Variants in PRKCB observed in about 807,000 individuals in gnomAD.
PRKCB encodes protein kinase C beta, also known as protein kinase C beta type.
Under a neutral mutation model 81.5 loss-of-function variants are expected in PRKCB, and 13 were observed. The ratio of observed to expected loss-of-function variants is 0.16; its 90% CI spans 0.10 to 0.25. PRKCB has a LOEUF of 0.25. PRKCB is among the 10% of genes least tolerant of loss of function. PRKCB has a pLI of 1.00. For synonymous variants in PRKCB, 335 were observed against 321.4 expected (o/e 1.04, Z -0.45); for missense variants, 509 against 875.7 (o/e 0.58, Z 5.29).
intron 5 of PRKCB, among the ~76,000 whole-genome samples, chr16:24,046,467 G>A (rs1035701143): frequency 2.0e-5 from 3 of 152,196 alleles, no homozygotes; most frequent in African/African-American, 2.4e-5. Flanking sequence ...AAAATAAAGC[G>A]GCATGATGTG....
At chr16:23,971,216 C>A (rs905932217) in intron 2 of PRKCB, among the ~76,000 whole-genome samples, 1 of 152,208 alleles carries the variant, frequency 6.6e-6, no homozygotes, top group Non-Finnish European at 1.5e-5. Context: ...CAGCTCTAAT[C>A]AAAACTGACC....
intron 2 of PRKCB, among the ~76,000 whole-genome samples, chr16:23,882,025 C>CTTTCTTTCTCTTTCTTT (rs1597226197): frequency 1.6e-4 from 3 of 18,320 alleles, no homozygotes; most frequent in Admixed American, 7.9e-4. Flanking sequence ...TTTCTTTCTT[C>CTTTCTTTCTCTTTCTTT]CTTCCTTCCT....
intron 16 of PRKCB, among the ~76,000 whole-genome samples, chr16:24,208,678 T>C (rs1357059508): frequency 1.3e-5 from 2 of 151,494 alleles, no homozygotes; most frequent in Non-Finnish European, 2.9e-5. Flanking sequence ...GCAGGTGCAA[T>C]CCATGGTGCG....
intron 2 of PRKCB, among the ~76,000 whole-genome samples, chr16:23,900,718 GTTTTTTTTTTTTTTTTTTTT>G (rs56897816): frequency 3.2e-5 from 2 of 62,232 alleles, no homozygotes; most frequent in South Asian, 1.8e-3. Flanking sequence ...AGCTGCACAG[GTTTTTTTTTTTTTTTTTTTT>G]TTTTTTTTTT....
At chr16:24,096,319 C>T (rs900823391) in intron 7 of PRKCB, among the ~76,000 whole-genome samples, 5 of 152,072 alleles carry the variant, frequency 3.3e-5, no homozygotes, top group African/African-American at 4.8e-5. Flanking sequence ...TAACTTGGCC[C>T]GAGCCCAGGA....
intron 2 of PRKCB, among the ~76,000 whole-genome samples, chr16:23,905,146 G>A (rs1226044464): frequency 1.3e-5 from 2 of 151,102 alleles, no homozygotes; most frequent in Non-Finnish European, 2.9e-5. Context: ...AGAAGCAGCC[G>A]GCCCTGGAAT....
Position 23,885,332 on chromosome 16 carries a change from G to A in PRKCB, c.205+47926G>A, listed in dbSNP as rs975483164. On this transcript the variant is annotated intron_variant, in intron 2 of 16. Coordinates refer to ENST00000643927, the MANE Select transcript of PRKCB (RefSeq NM_002738.7). ...TTCTTTTTCTTTTCTTTTTTGAGAC[G>A]GAGTCTTGCTCTGTCACCCAGGCTG... Among the ~76,000 whole-genome samples the A allele has an allele frequency of 8.6e-5, 13 of 151,654 alleles. 1 individual carries two copies. Among genetic ancestry groups the A allele is most frequent in the South Asian group, 2.1e-4 (1 of 4,804 alleles).
At chr16:24,065,079 C>A (rs1966015610) in intron 5 of PRKCB, among the ~76,000 whole-genome samples, 1 of 148,192 alleles carries the variant, frequency 6.7e-6, no homozygotes, top group South Asian at 2.1e-4. Flanking sequence ...ATATTTTTCC[C>A]CCTTTTCCCT....
At chr16:23,917,827 T>A (rs1400340780) in intron 2 of PRKCB, among the ~76,000 whole-genome samples, 1 of 152,234 alleles carries the variant, frequency 6.6e-6, no homozygotes, top group Non-Finnish European at 1.5e-5. Context: ...GTAAGTGATC[T>A]CGTAAAGCTG....
In PRKCB at chr16:24,045,910, G is replaced by A. The variant is rs183801163; in HGVS notation, c.529+10363G>A. On this transcript the variant is annotated intron_variant, in intron 5 of 16. Transcript: ENST00000643927. ...CAGACCACCACAGGTGGATGTGCCA[G>A]GGGTGATGTGAACCTCCAGCCCCGC... Among the ~76,000 whole-genome samples, 266 of 152,368 alleles carry A rather than the reference G, an allele frequency of 1.7e-3. 4 individuals are homozygous for A. The highest frequency in any genetic ancestry group is 0.013 in the South Asian group (64 of 4,830).
chr16:24,092,418 A>C (rs1966387148), intron 5 of PRKCB, among the ~76,000 whole-genome samples: 1 of 152,280 alleles, frequency 6.6e-6, no homozygotes, highest in South Asian at 2.1e-4. Flanking sequence ...AATATTATTC[A>C]GTCATGCAAA....
intron 3 of PRKCB, among the ~76,000 whole-genome samples, chr16:23,994,760 C>A (rs572362373): frequency 2.0e-5 from 3 of 152,172 alleles, no homozygotes; most frequent in Non-Finnish European, 4.4e-5. Flanking sequence ...TATCAAATGC[C>A]TTTTTCTCCA....
intron 16 of PRKCB, chr16:24,191,520 G>C (rs1596591173): frequency 6.9e-6 from 2 of 288,526 alleles, no homozygotes; most frequent in East Asian, 1.4e-4. Flanking sequence ...ATGGTTCTTG[G>C]GTGAGCAGAG....
At chr16:23,910,923 A>C (rs551964075) in intron 2 of PRKCB, among the ~76,000 whole-genome samples, 2 of 152,162 alleles carry the variant, frequency 1.3e-5, no homozygotes, top group African/African-American at 4.8e-5. Context: ...AGAATCATAC[A>C]ATGAATGATC....
intron 2 of PRKCB, among the ~76,000 whole-genome samples, chr16:23,849,460 G>A (rs1457635890): frequency 6.6e-6 from 1 of 152,136 alleles, no homozygotes; most frequent in Non-Finnish European, 1.5e-5. Context: ...TTAGAGTTTA[G>A]TGAGTGCTGC....
At chr16:23,846,776 C>A (rs555897515) in intron 2 of PRKCB, among the ~76,000 whole-genome samples, 1 of 152,122 alleles carries the variant, frequency 6.6e-6, no homozygotes, top group East Asian at 1.9e-4. Context: ...AGTTCAGTGT[C>A]TTTCCTGGAA....
At chr16:23,995,771 TTC>T (rs1427298066) in intron 3 of PRKCB, among the ~76,000 whole-genome samples, 2 of 152,216 alleles carry the variant, frequency 1.3e-5, no homozygotes. Flanking sequence ...CTACCCTGCC[TTC>T]TCTCTCCCAA....
chr16:24,126,690 G>A (rs7194415), intron 9 of PRKCB, among the ~76,000 whole-genome samples: 1,910 of 150,684 alleles, frequency 0.013, 41 homozygotes, highest in African/African-American at 0.044. Context: ...CCTCAGTCTC[G>A]CGCTCGGCTA....
Position 24,219,062 on chromosome 16 carries a change from G to A in PRKCB, c.*4246G>A, listed in dbSNP as rs1260564903. ...GATGATGAGGAAAGACAAGAGGCTTGCAAGGACCCTGAAGAGGTCGGAGCA... is the reference window on the plus strand; with the variant it reads ...GATGATGAGGAAAGACAAGAGGCTTACAAGGACCCTGAAGAGGTCGGAGCA... On this transcript the variant is annotated 3_prime_UTR_variant, in exon 17 of 17. Coordinates refer to ENST00000643927, the MANE Select transcript of PRKCB (RefSeq NM_002738.7). 1.0e-6 allele frequency: 1 copy of A among 985,448 alleles called. No individual in the cohort carries two copies. Among genetic ancestry groups the A allele is most frequent in the Non-Finnish European group, 1.2e-6 (1 of 830,008 alleles). The allele number at this position is 985,448 out of a possible 1,614,324, so 61.0% of individuals were successfully genotyped here.
Sources: gnomAD v4.1 joint callset for allele counts (sites outside exome capture counted in the v4.1 genomes callset) on GRCh38, gnomAD v4.1.1 for gene constraint, MANE v1.5 for transcripts, NCBI Gene and HGNC (gene_info 2026-07-23, HGNC 2026-07-21) for gene names.